RBFOX3: variants seen among roughly 807,000 people sequenced by gnomAD.
RBFOX3 encodes the protein RNA binding protein fox-1 homolog 3.
Under a neutral mutation model 48.7 loss-of-function variants are expected in RBFOX3, and 17 were observed. The observed-to-expected ratio is 0.35, with a 90% CI of 0.24 to 0.52. RBFOX3 has a LOEUF of 0.52. Ranked by LOEUF, RBFOX3 falls within the 20% of genes least tolerant of loss-of-function variation. RBFOX3 has a pLI of 0.94. For synonymous variants in RBFOX3, 212 were observed against 209.5 expected, an observed-to-expected ratio of 1.01 and a Z score of -0.10; for missense variants, 382 against 497.5, an observed-to-expected ratio of 0.77 and a Z score of 2.21.
intron 3 of RBFOX3, among the ~76,000 whole-genome samples, chr17:79,280,755 C>T (rs2070230147): frequency 6.6e-6 from 1 of 150,670 alleles, no homozygotes; most frequent in African/African-American, 2.4e-5. Context: ...ACCGAAGCAT[C>T]CAGATTTGCC....
At chr17:79,186,990 C>T (rs1014825487) in intron 4 of RBFOX3, among the ~76,000 whole-genome samples, 1 of 152,224 alleles carries the variant, frequency 6.6e-6, no homozygotes, top group Non-Finnish European at 1.5e-5. Context: ...TTCTGGCCCA[C>T]GTAACCTTGC....
chr17:79,166,155 C>T (rs1335272066), intron 4 of RBFOX3, among the ~76,000 whole-genome samples: 1 of 152,182 alleles, frequency 6.6e-6, no homozygotes, highest in Non-Finnish European at 1.5e-5. Flanking sequence ...CTCCTGTTCC[C>T]CCCCCGGGCA....
At chr17:79,649,642 G>T in the RBFOX3 span, among the ~76,000 whole-genome samples, 1 of 152,192 alleles carries the variant, frequency 6.6e-6, no homozygotes, top group African/African-American at 2.4e-5. Context: ...GGAGGCGGAG[G>T]TTGCAGTGGG....
At chr17:79,232,250 A>AT (rs973723789) in intron 4 of RBFOX3, among the ~76,000 whole-genome samples, 55 of 151,808 alleles carry the variant, frequency 3.6e-4, no homozygotes, top group African/African-American at 1.1e-3. Flanking sequence ...CCCAGCAGGC[A>AT]TTTTTTTTTC....
At chr17:79,322,990 A>C (rs1186765895) in intron 2 of RBFOX3, among the ~76,000 whole-genome samples, 3 of 152,238 alleles carry the variant, frequency 2.0e-5, no homozygotes, top group African/African-American at 7.2e-5. Context: ...ATTAGTTTGC[A>C]AGTAAGAAGT....
intron 3 of RBFOX3, among the ~76,000 whole-genome samples, chr17:79,278,301 GC>G: frequency 6.6e-6 from 1 of 152,318 alleles, no homozygotes; most frequent in Non-Finnish European, 1.5e-5. Flanking sequence ...GAGGGCCTCT[GC>G]CCCCCTCCTC....
At chr17:79,207,498 C>A (rs1032154748) in intron 4 of RBFOX3, among the ~76,000 whole-genome samples, 2 of 152,222 alleles carry the variant, frequency 1.3e-5, no homozygotes, top group African/African-American at 4.8e-5. Context: ...GGGCCCCTTG[C>A]AAGCTTTACC....
At chr17:79,208,101 A>G (rs972887510) in intron 4 of RBFOX3, among the ~76,000 whole-genome samples, 5 of 151,824 alleles carry the variant, frequency 3.3e-5, no homozygotes, top group African/African-American at 4.8e-5. Context: ...AGGCTTATTT[A>G]CAGTCACTGC....
chr17:79,331,002 C>T (rs112130235), intron 2 of RBFOX3, among the ~76,000 whole-genome samples: 2,465 of 152,276 alleles, frequency 0.016, 72 homozygotes, highest in African/African-American at 0.056. Context: ...GGTCCCATCC[C>T]GCTAACTGAC....
At chr17:79,491,192 A>G (rs187537907) in intron 1 of RBFOX3, among the ~76,000 whole-genome samples, 17 of 51,038 alleles carry the variant, frequency 3.3e-4, no homozygotes, top group East Asian at 3.3e-3. Flanking sequence ...GGGAGGAGAG[A>G]GGAGGGCAGG....
chr17:79,193,787 G>A (rs943076723), intron 4 of RBFOX3, among the ~76,000 whole-genome samples: 6 of 152,202 alleles, frequency 3.9e-5, no homozygotes, highest in Non-Finnish European at 7.3e-5. Context: ...AGTAGGCCAA[G>A]TTCTTCTCTA....
chr17:79,188,467 A>C (rs2053856283), intron 4 of RBFOX3, among the ~76,000 whole-genome samples: 1 of 152,216 alleles, frequency 6.6e-6, no homozygotes, highest in African/African-American at 2.4e-5. Context: ...CTCACTTACA[A>C]CCATGTCCCA....
At chr17:79,298,185 G>A (rs897522925) in intron 3 of RBFOX3, 9 of 152,318 alleles carry the variant, frequency 5.9e-5, no homozygotes, top group Non-Finnish European at 1.3e-4. Flanking sequence ...CAACACCCCA[G>A]GGGAAAGGAG....
intron 2 of RBFOX3, among the ~76,000 whole-genome samples, chr17:79,398,362 G>A (rs141021940): frequency 0.027 from 4,126 of 152,254 alleles, 85 homozygotes; most frequent in Non-Finnish European, 0.042. Flanking sequence ...AAGGTGTCCC[G>A]TCACCCCAGA....
intron 1 of RBFOX3, among the ~76,000 whole-genome samples, chr17:79,562,826 T>C (rs1475972140): frequency 1.3e-5 from 2 of 152,078 alleles, no homozygotes; most frequent in African/African-American, 2.4e-5. Context: ...GACATGATGA[T>C]CAATGAGTCC....
chr17:79,623,303 C>A, the RBFOX3 span, among the ~76,000 whole-genome samples: 1 of 152,198 alleles, frequency 6.6e-6, no homozygotes, highest in African/African-American at 2.4e-5. Context: ...CTGCCCACAG[C>A]CTGGGCGCTG....
At chr17:79,531,249 G>A (rs2087727344) in intron 1 of RBFOX3, among the ~76,000 whole-genome samples, 4 of 152,258 alleles carry the variant, frequency 2.6e-5, no homozygotes, top group Admixed American at 6.5e-5. Context: ...TCCTGCTGCC[G>A]GCCCAGGAGG....
At chr17:79,531,642 T>C (rs2087793351) in intron 1 of RBFOX3, among the ~76,000 whole-genome samples, 1 of 152,146 alleles carries the variant, frequency 6.6e-6, no homozygotes, top group African/African-American at 2.4e-5. Flanking sequence ...AACACCAGCC[T>C]TGGCCGCCTC....
At chr17:79,587,709 G>A (rs2093296916) in intron 1 of RBFOX3, among the ~76,000 whole-genome samples, 1 of 152,190 alleles carries the variant, frequency 6.6e-6, no homozygotes, top group African/African-American at 2.4e-5. Flanking sequence ...AAGGGAGCAG[G>A]TATGTAACCA....
Sources: gnomAD v4.1 joint callset for allele counts (sites outside exome capture counted in the v4.1 genomes callset) on GRCh38, gnomAD v4.1.1 for gene constraint, MANE v1.5 for transcripts, NCBI Gene and HGNC (gene_info 2026-07-23, HGNC 2026-07-21) for gene names.